The following NLGN1 variants were observed in gnomAD, a reference collection of about 807,000 sequenced individuals.
NLGN1 encodes the protein neuroligin-1.
In NLGN1, 12 loss-of-function variants were observed where a neutral mutation model predicts 65.5. The ratio of observed to expected loss-of-function variants is 0.18; its 90% CI spans 0.12 to 0.30. The LOEUF is 0.30. Among genes scored for constraint, NLGN1 ranks in the 10% least tolerant of loss-of-function variants. The pLI is 1.00. For missense variants in NLGN1, 750 were observed against 1,007.1 expected (o/e 0.74, Z 3.46); for synonymous variants, 350 against 359.5 (o/e 0.97, Z 0.30).
chr3:173,440,533 A>G (rs1718977042), intron 2 of NLGN1, among the ~76,000 whole-genome samples: 1 of 152,142 alleles, frequency 6.6e-6, no homozygotes, highest in South Asian at 2.1e-4. Flanking sequence ...GGGGTACAGA[A>G]TGAATGTTGT....
intron 4 of NLGN1, among the ~76,000 whole-genome samples, chr3:173,969,202 AT>A (rs1425735019): frequency 1.3e-5 from 2 of 152,148 alleles, no homozygotes; most frequent in African/African-American, 4.8e-5. Flanking sequence ...CCAGAAATAA[AT>A]TATAAGGTGT....
At chr3:174,242,280 G>A (rs1420488856) in intron 4 of NLGN1, among the ~76,000 whole-genome samples, 1 of 151,938 alleles carries the variant, frequency 6.6e-6, no homozygotes, top group Non-Finnish European at 1.5e-5. Context: ...TCCATGGCCT[G>A]TTAAGAATCA....
At chr3:173,652,918 C>A (rs781583030) in intron 3 of NLGN1, among the ~76,000 whole-genome samples, 2 of 152,120 alleles carry the variant, frequency 1.3e-5, no homozygotes, top group Admixed American at 6.6e-5. Flanking sequence ...TCTATGATTT[C>A]TTTCCTCAGA....
At chr3:173,749,435 AAATAT>A (rs1218895221) in intron 3 of NLGN1, among the ~76,000 whole-genome samples, 7 of 152,200 alleles carry the variant, frequency 4.6e-5, no homozygotes, top group African/African-American at 1.7e-4. Flanking sequence ...ATACTCTTCT[AAATAT>A]AATAAGCATT....
intron 3 of NLGN1, among the ~76,000 whole-genome samples, chr3:173,761,262 T>A (rs750110571): frequency 8.5e-5 from 13 of 152,096 alleles, no homozygotes; most frequent in Non-Finnish European, 1.6e-4. Flanking sequence ...TTGCTTGTTC[T>A]AGTAGAGAGC....
At chr3:173,757,481 A>G (rs1777315786) in intron 3 of NLGN1, among the ~76,000 whole-genome samples, 1 of 152,052 alleles carries the variant, frequency 6.6e-6, no homozygotes, top group South Asian at 2.1e-4. Flanking sequence ...GTTTAATTAA[A>G]CTATGTAAAA....
At chr3:173,952,741 TCTTA>T (rs2152331542) in intron 4 of NLGN1, among the ~76,000 whole-genome samples, 1 of 152,168 alleles carries the variant, frequency 6.6e-6, no homozygotes, top group East Asian at 1.9e-4. Flanking sequence ...TATTTTTTTA[TCTTA>T]CTACTAGTTT....
At chr3:173,789,341 A>AT (rs1435038447) in intron 3 of NLGN1, among the ~76,000 whole-genome samples, 2 of 152,194 alleles carry the variant, frequency 1.3e-5, no homozygotes, top group East Asian at 3.8e-4. Flanking sequence ...TTTGTGTTGT[A>AT]ACCAGGCTTC....
chr3:173,488,614 G>T (rs181722258), intron 2 of NLGN1, among the ~76,000 whole-genome samples: 106 of 152,098 alleles, frequency 7.0e-4, no homozygotes, highest in African/African-American at 2.5e-3. Context: ...ATTGTAGTCT[G>T]GTCTCTATCA....
At chr3:173,858,443 T>C (rs1728421945) in intron 4 of NLGN1, among the ~76,000 whole-genome samples, 1 of 152,094 alleles carries the variant, frequency 6.6e-6, no homozygotes, top group Non-Finnish European at 1.5e-5. Context: ...TTTAAAATTA[T>C]AATCCAGTAA....
intron 4 of NLGN1, among the ~76,000 whole-genome samples, chr3:174,183,188 A>C: frequency 6.6e-6 from 1 of 152,098 alleles, no homozygotes; most frequent in East Asian, 1.9e-4. Context: ...GCAACAGTGC[A>C]TCCATTCTTA....
At chr3:173,844,479 G>C (rs1347431830) in intron 4 of NLGN1, among the ~76,000 whole-genome samples, 3 of 152,142 alleles carry the variant, frequency 2.0e-5, no homozygotes, top group Non-Finnish European at 2.9e-5. Flanking sequence ...AAAAATAGTT[G>C]AGAATGAGAG....
intron 4 of NLGN1, among the ~76,000 whole-genome samples, chr3:174,226,571 G>A (rs187119859): frequency 2.4e-4 from 37 of 152,170 alleles, no homozygotes; most frequent in African/African-American, 8.9e-4. Flanking sequence ...CTATATATAA[G>A]ATGCTTTTAG....
At chr3:174,106,684 A>G (rs1713889434) in intron 4 of NLGN1, among the ~76,000 whole-genome samples, 1 of 151,944 alleles carries the variant, frequency 6.6e-6, no homozygotes, top group South Asian at 2.1e-4. Flanking sequence ...TTAAATGTGA[A>G]CTGGCTCACA....
chr3:174,211,682 G>T (rs939005455), intron 4 of NLGN1, among the ~76,000 whole-genome samples: 2 of 149,116 alleles, frequency 1.3e-5, no homozygotes, highest in African/African-American at 2.5e-5. Flanking sequence ...TACAAACCTT[G>T]AGCTAGATAT....
chr3:173,717,148 TATGGTGATGC>T (rs1769996519), intron 3 of NLGN1, among the ~76,000 whole-genome samples: 1 of 152,178 alleles, frequency 6.6e-6, no homozygotes, highest in South Asian at 2.1e-4. Context: ...GCCAATTTGG[TATGGTGATGC>T]CATAGCAATC....
chr3:174,125,206 CTT>C (rs892311595), intron 4 of NLGN1, among the ~76,000 whole-genome samples: 45 of 152,000 alleles, frequency 3.0e-4, no homozygotes, highest in African/African-American at 1.1e-3. Context: ...TTTGAAAAGA[CTT>C]TTTGATGACT....
At chr3:173,408,886 T>C (rs1460598874) in intron 1 of NLGN1, among the ~76,000 whole-genome samples, 1 of 140,180 alleles carries the variant, frequency 7.1e-6, no homozygotes, top group African/African-American at 2.8e-5. Context: ...CACTCCAGCC[T>C]GGGCAACAGA....
At chr3:173,880,482 C>G (rs1733000403) in intron 4 of NLGN1, among the ~76,000 whole-genome samples, 2 of 151,494 alleles carry the variant, frequency 1.3e-5, no homozygotes, top group Non-Finnish European at 2.9e-5. Context: ...TCAAGTGATT[C>G]ACACAAATTT....
Sources: gnomAD v4.1 joint callset for allele counts (sites outside exome capture counted in the v4.1 genomes callset) on GRCh38, gnomAD v4.1.1 for gene constraint, MANE v1.5 for transcripts, NCBI Gene and HGNC (gene_info 2026-07-23, HGNC 2026-07-21) for gene names.